MAST2: variants seen among roughly 807,000 people sequenced by gnomAD.
The protein encoded by MAST2 is microtubule associated serine/threonine kinase 2.
Under a neutral mutation model 147.4 loss-of-function variants are expected in MAST2, and 70 were observed. The ratio of observed to expected loss-of-function variants is 0.47; its 90% confidence interval spans 0.39 to 0.58. The LOEUF is 0.58. MAST2 is among the 20% of genes least tolerant of loss of function. The pLI, the probability that MAST2 is intolerant of heterozygous loss-of-function variation, is 0.00. For synonymous variants in MAST2, 869 were observed against 896.8 expected, an observed-to-expected ratio of 0.97 and a Z score of 0.55; for missense variants, 2,080 against 2,302.3, an observed-to-expected ratio of 0.90 and a Z score of 1.98.
At chr1:46,009,896 CT>C (rs1372955845) in intron 9 of MAST2, among the ~76,000 whole-genome samples, 1 of 152,128 alleles carries the variant, frequency 6.6e-6, no homozygotes, top group East Asian at 1.9e-4. Flanking sequence ...AAGGCAGAGT[CT>C]TAGATAGACA....
intron 1 of MAST2, among the ~76,000 whole-genome samples, chr1:45,813,161 A>G (rs1268003609): frequency 6.6e-6 from 1 of 152,114 alleles, no homozygotes; most frequent in African/African-American, 2.4e-5. Context: ...AATAACTGTT[A>G]CACTCTATTA....
At chr1:46,004,568 T>A (rs1164708829) in intron 7 of MAST2, among the ~76,000 whole-genome samples, 2 of 152,194 alleles carry the variant, frequency 1.3e-5, no homozygotes, top group Admixed American at 6.5e-5. Context: ...GTAAGAATAT[T>A]TTTTGCAACT....
At chr1:45,944,011 A>C (rs1363255104) in intron 4 of MAST2, among the ~76,000 whole-genome samples, 1 of 152,200 alleles carries the variant, frequency 6.6e-6, no homozygotes, top group Non-Finnish European at 1.5e-5. Flanking sequence ...AAACTTCGCT[A>C]TACTCTGTGA....
intron 4 of MAST2, among the ~76,000 whole-genome samples, chr1:45,942,513 TTTTA>T (rs1570846752): frequency 2.6e-5 from 4 of 152,282 alleles, no homozygotes; most frequent in Admixed American, 1.3e-4. Context: ...TTCATTTATT[TTTTA>T]TTTATTTTTT....
At chr1:45,897,952 C>T (rs1249884836) in intron 4 of MAST2, among the ~76,000 whole-genome samples, 3 of 151,584 alleles carry the variant, frequency 2.0e-5, no homozygotes, top group Non-Finnish European at 4.4e-5. Context: ...ACTAAAAATA[C>T]AGAAAAATTA....
At chr1:45,933,585 CA>C (rs11312369) in intron 4 of MAST2, among the ~76,000 whole-genome samples, 40,987 of 102,270 alleles carry the variant, frequency 0.4, 5,717 homozygotes, top group Middle Eastern at 0.54. Flanking sequence ...ACTAAAAATG[CA>C]AAAAAAAAAA....
At chr1:45,895,438 C>T (rs140650723) in intron 4 of MAST2, among the ~76,000 whole-genome samples, 1 of 152,194 alleles carries the variant, frequency 6.6e-6, no homozygotes, top group African/African-American at 2.4e-5. Context: ...AAACAAAACC[C>T]AGTTATGTAA....
intron 3 of MAST2, among the ~76,000 whole-genome samples, chr1:45,868,056 A>G (rs1646232182): frequency 6.6e-6 from 1 of 152,264 alleles, no homozygotes; most frequent in South Asian, 2.1e-4. Flanking sequence ...GTAAAAGGAC[A>G]TCTGGGAGAT....
intron 15 of MAST2, chr1:46,024,407 C>T (rs2149302300): frequency 4.5e-6 from 1 of 224,474 alleles, no homozygotes; most frequent in South Asian, 7.6e-5. Flanking sequence ...AAGCAAAATG[C>T]TCTGAGAATA....
At position 45,854,982 on chromosome 1, in the gene MAST2, G is replaced by C. The variant is rs181213676; in HGVS notation, c.468+25401G>C. On this transcript the variant is annotated intron_variant, in intron 3 of 28. Transcript: ENST00000361297. ...AGGAGTGTGGAGCTTCACCCGCTCT[G>C]GGCTCACTATCCTCCAGGTACCTGC... 4.6e-5 allele frequency among the ~76,000 whole-genome samples: 7 copies of C among 152,278 alleles called. No homozygotes were observed. The South Asian group carries it at 8.3e-4, about 18-fold the overall frequency.
intron 7 of MAST2, among the ~76,000 whole-genome samples, chr1:46,004,732 C>A (rs1645415156): frequency 2.0e-5 from 3 of 152,162 alleles, no homozygotes; most frequent in Non-Finnish European, 4.4e-5. Context: ...GTTTATTGAG[C>A]CTGTGACAAC....
chr1:45,814,200 G>A (rs995335563), intron 1 of MAST2, among the ~76,000 whole-genome samples: 8 of 152,038 alleles, frequency 5.3e-5, no homozygotes, highest in African/African-American at 1.9e-4. Context: ...TTATTTTAGA[G>A]TGTACCCCTA....
chr1:45,803,746 C>T lies in MAST2; in HGVS notation c.-150C>T. On this transcript the variant is annotated 5_prime_UTR_variant, in exon 1 of 29. Coordinates refer to ENST00000361297, the MANE Select transcript of MAST2 (RefSeq NM_015112.3). ...GCGGCGCCGGAGGCCCCAGAAGGCT[C>T]GAAGGCGCCGCGGGCTGGGGTCGGT... The T allele has an allele frequency of 2.8e-6, 1 of 351,482 alleles. No individual in the cohort carries two copies. Among genetic ancestry groups the T allele is most frequent in the East Asian group, 4.3e-5 (1 of 23,164 alleles). The allele number at this position is 351,482 out of a possible 1,614,324, so 21.8% of individuals were successfully genotyped here.
At position 45,959,239 on chromosome 1, in the gene MAST2, G is replaced by A. The variant is rs1018083997; in HGVS notation, c.501-147G>A. 2.3e-5 allele frequency: 13 copies of A among 569,762 alleles called. 1 individual carries two copies. The highest frequency in any genetic ancestry group is 3.0e-4 in the Middle Eastern group (1 of 3,286). 35.3% of individuals were successfully genotyped at this position (569,762 alleles called of 1,614,324 possible). Reference sequence around the variant, plus strand: ...TGCTTTATGGAATCTAACTGGTGCCGAGTGTAATTGCTGACCCAGTTCAGT... The same window carrying A: ...TGCTTTATGGAATCTAACTGGTGCCAAGTGTAATTGCTGACCCAGTTCAGT... On this transcript the variant is annotated intron_variant, in intron 4 of 28. Transcript: ENST00000361297.
intron 4 of MAST2, among the ~76,000 whole-genome samples, chr1:45,889,150 G>T (rs769763370): frequency 1.9e-4 from 29 of 152,104 alleles, no homozygotes; most frequent in Non-Finnish European, 2.4e-4. Context: ...TTAAAATGCG[G>T]ATTTCATTAT....
At position 46,032,189 on chromosome 1, in the gene MAST2, T is replaced by A. The variant is rs1024963583; in HGVS notation, c.3199T>A (p.Cys1067Ser). The A allele has an allele frequency of 1.1e-5, 17 of 1,613,980 alleles. No homozygotes were observed. The highest frequency in any genetic ancestry group is 5.0e-5 in the Admixed American group (3 of 60,008). ...TTCTCCTTCTCCAGAACACCACACC[T>A]GCTCCCCGTTGGCCAGCCCCATGTC... The part of the protein sequence containing the change: ...SLLIPSEHHT[C>S]SPLASPMSPH... Residue 1067 changes from cysteine (C) to serine (S), a missense_variant, in exon 25 of 29, where the codon TGC (cysteine) becomes AGC (serine). Cys to Ser is a moderately radical substitution (Grantham distance 112). This residue lies in a region of MAST2 where 1,278 missense variants were observed against 1,304.2 expected (regional missense o/e 0.98). Coordinates refer to ENST00000361297, the MANE Select transcript of MAST2 (RefSeq NM_015112.3).
At chr1:46,007,256 G>T (rs1193709231) in intron 8 of MAST2, among the ~76,000 whole-genome samples, 1 of 152,146 alleles carries the variant, frequency 6.6e-6, no homozygotes, top group African/African-American at 2.4e-5. Context: ...CTCCCAGAAA[G>T]AATCCCCTCA....
At chr1:45,980,825 C>T (rs984157464) in intron 5 of MAST2, among the ~76,000 whole-genome samples, 8 of 151,676 alleles carry the variant, frequency 5.3e-5, no homozygotes, top group African/African-American at 1.9e-4. Flanking sequence ...TGTGAGCTAC[C>T]ATGCTGGCCC....
At chr1:45,861,412 AT>A (rs940736475) in intron 3 of MAST2, among the ~76,000 whole-genome samples, 1,619 of 143,274 alleles carry the variant, frequency 0.011, 17 homozygotes, top group Admixed American at 0.043. Context: ...TTATCTCTCA[AT>A]TTTTTTTTTT....
Sources: allele counts gnomAD v4.1 joint callset (sites outside exome capture counted in the v4.1 genomes callset), GRCh38; gene constraint gnomAD v4.1.1; regional missense constraint gnomAD v4.1.1; transcripts MANE v1.5; gene names NCBI Gene and HGNC (gene_info 2026-07-23, HGNC 2026-07-21).